ARMCX4: variants seen among roughly 807,000 people sequenced by gnomAD.
ARMCX4 encodes the protein armadillo repeat-containing X-linked protein 4.
ARMCX4 carries 3 observed loss-of-function variants against 34.7 expected under a neutral mutation model. That is an observed-to-expected ratio of 0.09 (90% CI 0.04 to 0.22). The LOEUF (loss-of-function observed/expected upper bound fraction) is 0.22. Ranked by LOEUF, ARMCX4 falls within the 10% of genes least tolerant of loss-of-function variation. The pLI is 1.00. For synonymous variants in ARMCX4, 513 were observed against 632.8 expected (o/e 0.81, Z 2.84); for missense variants, 1,448 against 1,720.8 (o/e 0.84, Z 2.81).
At chrX:101,453,317 G>A (rs1352175773) in intron 4 of ARMCX4, among the ~76,000 whole-genome samples, 1 of 112,199 alleles carries the variant, frequency 8.9e-6, no homozygotes, top group Non-Finnish European at 1.9e-5. Flanking sequence ...TTAATACTCT[G>A]AGCTCCATGG....
At chrX:101,458,678 G>A (rs932406819) in intron 4 of ARMCX4, among the ~76,000 whole-genome samples, 3 of 110,235 alleles carry the variant, frequency 2.7e-5, no homozygotes, top group Non-Finnish European at 5.7e-5. Context: ...GTAGAGATGG[G>A]ATTTTATCAT....
downstream of ARMCX4, chrX:101,447,837 A>G (rs2147578033): frequency 8.9e-6 from 1 of 111,796 alleles, no homozygotes; most frequent in South Asian, 3.8e-4. Context: ...TTGTGTTACA[A>G]ACGGTCCAGT....
intron 11 of ARMCX4, among the ~76,000 whole-genome samples, chrX:101,519,275 T>C (rs1934801874): frequency 1.8e-5 from 2 of 111,289 alleles, no homozygotes. Context: ...CAAAACTTGT[T>C]TATCTTGTAT....
chrX:101,530,218 G>A (rs1935094773), intron 11 of ARMCX4, among the ~76,000 whole-genome samples: 1 of 111,730 alleles, frequency 9.0e-6, no homozygotes, highest in African/African-American at 3.3e-5. Flanking sequence ...ATCATTCTGA[G>A]CAAATTATCA....
At chrX:101,498,575 A>C (rs1020993690), downstream of ARMCX4, 1 of 117,760 alleles carries the variant, frequency 8.5e-6, no homozygotes, top group Non-Finnish European at 1.8e-5. Flanking sequence ...TCAACAATTG[A>C]AAGCTATGTT....
At chrX:101,464,608 GACTCCAATATGCACA>G (rs1316781670) in intron 4 of ARMCX4, among the ~76,000 whole-genome samples, 1 of 110,984 alleles carries the variant, frequency 9.0e-6, no homozygotes, top group African/African-American at 3.3e-5. Flanking sequence ...ATCTTACTCT[GACTCCAATATGCACA>G]ACTCCAATTT....
intron 10 of ARMCX4, chrX:101,510,938 T>G (rs1181524093): frequency 9.0e-6 from 1 of 111,615 alleles, no homozygotes; most frequent in Non-Finnish European, 1.9e-5. Context: ...TACATGACAT[T>G]TTTTTCCTCT....
intron 11 of ARMCX4, among the ~76,000 whole-genome samples, chrX:101,527,195 A>G (rs1556020806): frequency 8.9e-6 from 1 of 112,289 alleles, no homozygotes. Flanking sequence ...AAACTGCACA[A>G]CTACATGGAA....
In ARMCX4 at chrX:101,490,843, G is replaced by C. The variant is rs782550005; in HGVS notation, c.2254G>C (p.Ala752Pro). Residue 752 changes from alanine (A) to proline (P), a missense_variant, in exon 6 of 6, where the codon GCT becomes CCT. Ala to Pro is a conservative substitution (Grantham distance 27). Around this residue, in one of 2 missense-constraint regions of ARMCX4, gnomAD observed 1,343 missense variants for 1,540.7 expected, o/e 0.87. Coordinates refer to ENST00000423738, the MANE Select transcript of ARMCX4 (RefSeq NM_001256155.3). ...TACAACAGACTCTGCCCGGCTCCAGGCTGTGGCCAATTCTCAGGGTGAGGT... is the reference window on the plus strand; with the variant it reads ...TACAACAGACTCTGCCCGGCTCCAGCCTGTGGCCAATTCTCAGGGTGAGGT... ...PYTTDSARLQAVANSQGEVLP... is the reference protein window; with the variant it reads ...PYTTDSARLQPVANSQGEVLP... 2 of 1,106,379 alleles carry C rather than the reference G, an allele frequency of 1.8e-6. No homozygotes were observed. Among genetic ancestry groups the C allele is most frequent in the African/African-American group, 1.9e-5 (1 of 53,166 alleles). 91.2% of individuals were successfully genotyped at this position (1,106,379 alleles called of 1,213,427 possible).
At chrX:101,496,995 T>C (rs1934192297), downstream of ARMCX4, among the ~76,000 whole-genome samples, 1 of 112,226 alleles carries the variant, frequency 8.9e-6, no homozygotes, top group African/African-American at 3.2e-5. Context: ...AGCAAATTGA[T>C]GTATGTCTAC....
chrX:101,513,335 C>G (rs369828269), intron 11 of ARMCX4, among the ~76,000 whole-genome samples: 3 of 111,413 alleles, frequency 2.7e-5, no homozygotes. Flanking sequence ...TTAAACCATA[C>G]GTAATCTCTA....
At chrX:101,421,607 G>A (rs1929258005) in intron 2 of ARMCX4, among the ~76,000 whole-genome samples, 1 of 111,436 alleles carries the variant, frequency 9.0e-6, no homozygotes, top group South Asian at 3.8e-4. Context: ...TTTGGTGTCT[G>A]GTGAGGCCAT....
chrX:101,492,489 TG>T lies in ARMCX4; in HGVS notation c.3902del (p.Gly1301GlufsTer69). 8.7e-7 allele frequency: 1 copy of T among 1,152,038 alleles called. No individual in the cohort carries two copies. Among genetic ancestry groups the T allele is most frequent in the Non-Finnish European group, 1.1e-6 (1 of 871,299 alleles). 94.9% of individuals were successfully genotyped at this position (1,152,038 alleles called of 1,213,427 possible). On this transcript the variant is annotated frameshift_variant, in exon 6 of 6. Transcript: ENST00000423738. LOFTEE classifies it low-confidence loss of function (END_TRUNC). Reference protein sequence around the residue: ...YWAGVVDQAGGGSWAGTSDQS... With the variant: ...YWAGVVDQAGXGSWAGTSDQS... Reference sequence around the variant, plus strand: ...GGGCTGGGGTTGTGGATCAGGCCGGTGGAGGGTCCTGGGCTGGGACTAGTGA... The same window carrying T: ...GGGCTGGGGTTGTGGATCAGGCCGGTGAGGGTCCTGGGCTGGGACTAGTGA...
chrX:101,452,985 C>T (rs1325552669), intron 4 of ARMCX4, among the ~76,000 whole-genome samples: 14 of 110,384 alleles, frequency 1.3e-4, no homozygotes, highest in African/African-American at 4.6e-4. Context: ...ATTTAATTCT[C>T]ATTACCACCC....
At chrX:101,452,155 A>T (rs1360273523), downstream of ARMCX4, among the ~76,000 whole-genome samples, 1 of 112,213 alleles carries the variant, frequency 8.9e-6, no homozygotes, top group African/African-American at 3.2e-5. Flanking sequence ...TCTGAGTTAG[A>T]TGCAGGACAA....
At chrX:101,458,666 T>C (rs1259811611) in intron 4 of ARMCX4, among the ~76,000 whole-genome samples, 2 of 110,265 alleles carry the variant, frequency 1.8e-5, no homozygotes, top group Non-Finnish European at 3.8e-5. Context: ...TTTGTGTTTT[T>C]AGTAGAGATG....
rs781870737 is a variant in ARMCX4 at position 101,494,175 on chromosome X, G to T, written c.5586G>T (p.Glu1862Asp). Residue 1862 changes from glutamate (E) to aspartate (D), a missense_variant, in exon 6 of 6, where the codon GAG (glutamate) becomes GAT (aspartate). Glu to Asp is a conservative substitution (Grantham distance 45). Transcript: ENST00000423738. ...GGGATGGAGATGCAACCACTGTAGA[G>T]TCTAGGCTTGGGGCTGGGGAAGAGG... ...WSWDGDATTV[E>D]SRLGAGEEAG... 3 of 1,136,746 alleles carry T rather than the reference G, an allele frequency of 2.6e-6. No homozygotes were observed. Among genetic ancestry groups the T allele is most frequent in the South Asian group, 4.0e-5 (2 of 49,932 alleles). The allele number at this position is 1,136,746 out of a possible 1,213,427, so 93.7% of individuals were successfully genotyped here. A position where few individuals can be genotyped will look rare whatever the true frequency, so the allele number is the denominator to read the frequency against.
In ARMCX4 at chrX:101,488,889, C is replaced by T. The variant is rs1219167484; in HGVS notation, c.300C>T (p.Asn100=). 8.7e-7 allele frequency: 1 copy of T among 1,154,595 alleles called. No homozygotes were observed. Among genetic ancestry groups the T allele is most frequent in the Non-Finnish European group, 1.1e-6 (1 of 872,767 alleles). ...KATAIAIHRA[N]SQAKAMVGAE... is the part of the protein sequence containing the mutation. Reference sequence around the variant, plus strand: ...CTGCTATAGCCATACACAGAGCCAACTCTCAGGCCAAGGCAATGGTTGGGG... The same window carrying T: ...CTGCTATAGCCATACACAGAGCCAATTCTCAGGCCAAGGCAATGGTTGGGG... Residue 100 remains asparagine (N), a synonymous_variant, in exon 6 of 6, where the codon AAC becomes AAT. Coordinates refer to ENST00000423738, the MANE Select transcript of ARMCX4 (RefSeq NM_001256155.3).
At chrX:101,475,990 ATCTCTC>A (rs1933170243) in intron 4 of ARMCX4, among the ~76,000 whole-genome samples, 1 of 111,168 alleles carries the variant, frequency 9.0e-6, no homozygotes, top group Non-Finnish European at 1.9e-5. Flanking sequence ...GCTTTAACTA[ATCTCTC>A]TAATATAAAC....
Sources: gnomAD v4.1 joint callset for allele counts (sites outside exome capture counted in the v4.1 genomes callset) on GRCh38, gnomAD v4.1.1 for gene constraint, gnomAD v4.1.1 regional missense constraint, MANE v1.5 for transcripts, NCBI Gene and HGNC (gene_info 2026-07-23, HGNC 2026-07-21) for gene names.